CDK13: variants seen among roughly 807,000 people sequenced by gnomAD.
The protein encoded by CDK13 is cyclin-dependent kinase 13.
In CDK13, 40 loss-of-function variants were observed where a neutral mutation model predicts 137.6. The ratio of observed to expected loss-of-function variants is 0.29; its 90% confidence interval spans 0.23 to 0.38. CDK13 has a LOEUF of 0.38. Among genes scored for constraint, CDK13 ranks in the 10% least tolerant of loss-of-function variants. The pLI is 1.00. For missense variants in CDK13, 1,704 were observed against 1,951.8 expected (o/e 0.87, Z 2.39); for synonymous variants, 869 against 760.1 (o/e 1.14, Z -2.36).
intron 1 of CDK13, among the ~76,000 whole-genome samples, chr7:39,978,965 GT>G (rs1176361232): frequency 1.3e-5 from 2 of 152,006 alleles, no homozygotes; most frequent in African/African-American, 4.8e-5. Context: ...GGTAGTCTTT[GT>G]TTTTTTCTGT....
intron 7 of CDK13, among the ~76,000 whole-genome samples, chr7:40,049,964 A>C (rs1198192000): frequency 6.6e-6 from 1 of 150,904 alleles, no homozygotes; most frequent in African/African-American, 2.5e-5. Context: ...TATATGCCAC[A>C]TTTTCCTTTT....
At chr7:40,012,132 A>C (rs1082032) in intron 5 of CDK13, among the ~76,000 whole-genome samples, 151,399 of 151,960 alleles carry the variant, frequency 1, 75,420 homozygotes, top group Non-Finnish European at 1. Flanking sequence ...AACACCACCA[A>C]CAACAACAAA....
intron 1 of CDK13, among the ~76,000 whole-genome samples, chr7:39,980,245 T>G (rs1310463589): frequency 6.6e-6 from 1 of 151,944 alleles, no homozygotes; most frequent in Non-Finnish European, 1.5e-5. Context: ...GAGTGGAGAG[T>G]AGTGAAATTA....
chr7:40,069,909 C>G (rs1562758991), intron 9 of CDK13: 1 of 151,712 alleles, frequency 6.6e-6, no homozygotes, highest in East Asian at 1.9e-4. Context: ...TAGTGAAACC[C>G]CGTCTCTGCT....
At chr7:39,976,321 T>A (rs139854207) in intron 1 of CDK13, among the ~76,000 whole-genome samples, 798 of 35,816 alleles carry the variant, frequency 0.022, 5 homozygotes, top group African/African-American at 0.027. Flanking sequence ...TCTCTCTCTC[T>A]CTCACACACA....
At chr7:40,031,646 C>G (rs1010844105) in intron 5 of CDK13, among the ~76,000 whole-genome samples, 1 of 151,588 alleles carries the variant, frequency 6.6e-6, no homozygotes, top group Non-Finnish European at 1.5e-5. Context: ...TGTTTGTTTT[C>G]TTTTTTCTTT....
intron 2 of CDK13, among the ~76,000 whole-genome samples, chr7:39,990,784 G>A (rs1219915840): frequency 6.6e-6 from 1 of 152,142 alleles, no homozygotes; most frequent in Non-Finnish European, 1.5e-5. Flanking sequence ...CAGATTAGTT[G>A]TAAAGATTAA....
intron 5 of CDK13, among the ~76,000 whole-genome samples, chr7:40,022,808 A>G (rs1229001627): frequency 1.3e-5 from 2 of 151,932 alleles, no homozygotes. Context: ...TCTAGCAATT[A>G]CAGATTAAAG....
At chr7:40,092,729 G>T (rs1341552909) in intron 12 of CDK13, 56 bp from the exon 13 acceptor site, 1 of 1,285,520 alleles carries the variant, frequency 7.8e-7, no homozygotes, top group South Asian at 1.3e-5. Context: ...TTTTGGTGTG[G>T]GAGTGGGAGG....
intron 5 of CDK13, among the ~76,000 whole-genome samples, chr7:40,013,010 C>G (rs1265722608): frequency 6.6e-6 from 1 of 151,874 alleles, no homozygotes; most frequent in Non-Finnish European, 1.5e-5. Context: ...GGAAGCAACC[C>G]AAGTGTCCTT....
At position 40,062,923 on chromosome 7, in the gene CDK13, T is replaced by C. The variant is rs1786187342; in HGVS notation, c.2698T>C (p.Cys900Arg). 6.2e-7 allele frequency: 1 copy of C among 1,612,100 alleles called. No homozygotes were observed. The part of the protein sequence containing the change: ...RYTPAIDVWS[C>R]GCILGELFTK... ...CACACCAGCCATTGATGTATGGAGC[T>C]GTGGGTAAGATAGCCTTATTTACTG... is the stretch of plus-strand genomic sequence containing the variant. Residue 900 changes from cysteine (C) to arginine (R), a missense_variant, in exon 8 of 14, where the codon TGT becomes CGT. Cys to Arg is a radical substitution (Grantham distance 180). Around this residue, in one of 5 missense-constraint regions of CDK13, gnomAD observed 130 missense variants for 362.4 expected, o/e 0.36. Transcript: ENST00000181839.
Position 40,095,012 on chromosome 7 carries a change from A to G in CDK13, c.*32A>G. The G allele has an allele frequency of 7.4e-7, 1 of 1,346,738 alleles. No homozygotes were observed. Among genetic ancestry groups the G allele is most frequent in the East Asian group, 2.7e-5 (1 of 36,972 alleles). The allele number at this position is 1,346,738 out of a possible 1,614,324, so 83.4% of individuals were successfully genotyped here. On this transcript the variant is annotated 3_prime_UTR_variant, in exon 14 of 14. Transcript: ENST00000181839. ...GTTTTTCCTCAGGCACATCATTTTT[A>G]TCTGGAAAGACTTTTCTAGCTGCAA... is the stretch of plus-strand genomic sequence containing the variant.
At chr7:39,994,571 C>T (rs368683546) in intron 2 of CDK13, among the ~76,000 whole-genome samples, 6 of 152,116 alleles carry the variant, frequency 3.9e-5, no homozygotes, top group African/African-American at 4.8e-5. Flanking sequence ...ATTAGTGATG[C>T]GTAAATGGCT....
At chr7:39,985,676 A>G (rs1352164132) in intron 1 of CDK13, 3 of 152,192 alleles carry the variant, frequency 2.0e-5, no homozygotes, top group Non-Finnish European at 4.4e-5. Context: ...CCTACTTTAG[A>G]GTTAAAAAAA....
At chr7:40,035,269 T>G (rs1391501073) in intron 5 of CDK13, among the ~76,000 whole-genome samples, 1 of 152,220 alleles carries the variant, frequency 6.6e-6, no homozygotes, top group Non-Finnish European at 1.5e-5. Flanking sequence ...CATGACCTAC[T>G]CAATTGATTG....
At chr7:40,029,756 G>A (rs1304284645) in intron 5 of CDK13, among the ~76,000 whole-genome samples, 1 of 151,914 alleles carries the variant, frequency 6.6e-6, no homozygotes, top group Non-Finnish European at 1.5e-5. Flanking sequence ...GGGTTCAAGC[G>A]ATTCTCCTGC....
At chr7:39,977,607 G>A (rs1181535462) in intron 1 of CDK13, among the ~76,000 whole-genome samples, 4 of 152,160 alleles carry the variant, frequency 2.6e-5, no homozygotes, top group Non-Finnish European at 5.9e-5. Context: ...GGTGAAGAGA[G>A]GAATATGAGA....
intron 1 of CDK13, among the ~76,000 whole-genome samples, chr7:39,968,864 A>G (rs1394804865): frequency 2.6e-5 from 4 of 152,170 alleles, no homozygotes; most frequent in Admixed American, 6.5e-5. Context: ...GACTGAACCA[A>G]ACTACTCTTA....
In CDK13 at chr7:39,951,603, G is replaced by C; in HGVS notation, c.962G>C (p.Gly321Ala). 1 of 1,484,784 alleles carries C rather than the reference G, an allele frequency of 6.7e-7. No homozygotes were observed. Among genetic ancestry groups the C allele is most frequent in the Non-Finnish European group, 8.9e-7 (1 of 1,120,570 alleles). The allele number at this position is 1,484,784 out of a possible 1,614,324, so 92.0% of individuals were successfully genotyped here. ...CGGCGGTCCCTCAGCCCACTGGGAGGCCGGGACGACAGCCCGGTGTCCCAC... is the reference window on the plus strand; with the variant it reads ...CGGCGGTCCCTCAGCCCACTGGGAGCCCGGGACGACAGCCCGGTGTCCCAC... Reference protein sequence around the residue: ...RRRRSLSPLGGRDDSPVSHRA... With the variant: ...RRRRSLSPLGARDDSPVSHRA... The change falls in exon 1 of 14, where the codon GGC (glycine) becomes GCC (alanine). Residue 321 changes from glycine (G) to alanine (A), a missense_variant. Transcript: ENST00000181839.
Sources: gnomAD v4.1 joint callset for allele counts (sites outside exome capture counted in the v4.1 genomes callset) on GRCh38, gnomAD v4.1.1 for gene constraint, gnomAD v4.1.1 regional missense constraint, MANE v1.5 for transcripts, NCBI Gene and HGNC (gene_info 2026-07-23, HGNC 2026-07-21) for gene names.